Variants in SEMA6D observed in about 807,000 individuals in gnomAD.
The protein encoded by SEMA6D is semaphorin 6D, also known as semaphorin-6D.
SEMA6D carries 35 observed loss-of-function variants against 106.6 expected under a neutral mutation model. The observed-to-expected ratio is 0.33, with a 90% CI of 0.25 to 0.44. SEMA6D has a LOEUF of 0.44. Among genes scored for constraint, SEMA6D ranks in the 20% least tolerant of loss-of-function variants. The pLI is 1.00. For synonymous variants in SEMA6D, 499 were observed against 487.7 expected, an observed-to-expected ratio of 1.02 and a Z score of -0.31; for missense variants, 1,185 against 1,345.9, an observed-to-expected ratio of 0.88 and a Z score of 1.87.
intron 1 of SEMA6D, among the ~76,000 whole-genome samples, chr15:47,318,208 T>C (rs2036766569): frequency 6.6e-6 from 1 of 151,788 alleles, no homozygotes; most frequent in Non-Finnish European, 1.5e-5. Context: ...TTACCTTTTA[T>C]AGAAGTTGCG....
At chr15:47,258,042 A>G (rs2033897536) in intron 1 of SEMA6D, among the ~76,000 whole-genome samples, 1 of 152,200 alleles carries the variant, frequency 6.6e-6, no homozygotes, top group Admixed American at 6.5e-5. Context: ...TTTATTGGAT[A>G]TTAATACAGC....
chr15:47,333,825 T>A (rs911164489), intron 1 of SEMA6D, among the ~76,000 whole-genome samples: 1 of 152,206 alleles, frequency 6.6e-6, no homozygotes, highest in African/African-American at 2.4e-5. Flanking sequence ...AGTTCCTGGC[T>A]TACAACTCCC....
At chr15:47,489,472 T>C (rs2043399625) in intron 3 of SEMA6D, among the ~76,000 whole-genome samples, 1 of 152,168 alleles carries the variant, frequency 6.6e-6, no homozygotes, top group Admixed American at 6.5e-5. Flanking sequence ...GTGTCAAAAC[T>C]ATTCAAAATC....
At chr15:47,602,770 C>T (rs1264174704) in intron 4 of SEMA6D, among the ~76,000 whole-genome samples, 1 of 152,136 alleles carries the variant, frequency 6.6e-6, no homozygotes, top group Non-Finnish European at 1.5e-5. Context: ...AACACCATCT[C>T]CTGAGCTCCA....
At chr15:47,208,427 C>A (rs1405352390) in intron 1 of SEMA6D, among the ~76,000 whole-genome samples, 1 of 152,104 alleles carries the variant, frequency 6.6e-6, no homozygotes, top group African/African-American at 2.4e-5. Flanking sequence ...ATACAAGAGA[C>A]CTTCTAAATA....
intron 4 of SEMA6D, among the ~76,000 whole-genome samples, chr15:47,657,956 G>A (rs1371714771): frequency 1.3e-5 from 2 of 151,278 alleles, no homozygotes; most frequent in African/African-American, 4.9e-5. Context: ...TAGCCAGGAT[G>A]GTCTCGATCT....
At chr15:47,642,756 A>G (rs2077511720) in intron 4 of SEMA6D, among the ~76,000 whole-genome samples, 1 of 152,170 alleles carries the variant, frequency 6.6e-6, no homozygotes, top group Non-Finnish European at 1.5e-5. Context: ...AAAGAAGGCC[A>G]TCTCCGAAAG....
intron 1 of SEMA6D, among the ~76,000 whole-genome samples, chr15:47,197,572 T>C (rs772480761): frequency 6.6e-6 from 1 of 151,966 alleles, no homozygotes; most frequent in South Asian, 2.1e-4. Context: ...GGGGAATTAA[T>C]TGAAATAAAT....
At chr15:47,448,687 T>G (rs115408186) in intron 2 of SEMA6D, among the ~76,000 whole-genome samples, 1 of 152,062 alleles carries the variant, frequency 6.6e-6, no homozygotes, top group Admixed American at 6.6e-5. Flanking sequence ...TCAAATGGGG[T>G]TGAAGTAAGG....
chr15:47,197,633 T>A (rs1894448617), intron 1 of SEMA6D, among the ~76,000 whole-genome samples: 1 of 151,656 alleles, frequency 6.6e-6, no homozygotes, highest in African/African-American at 2.4e-5. Context: ...ACAAAATTAG[T>A]GGGAAAAAAA....
intron 4 of SEMA6D, among the ~76,000 whole-genome samples, chr15:47,674,587 T>C (rs930560209): frequency 1.3e-5 from 2 of 152,186 alleles, no homozygotes; most frequent in African/African-American, 4.8e-5. Context: ...GCCACTGTGC[T>C]TGGAAGGGTG....
At chr15:47,204,408 T>C (rs1330614981) in intron 1 of SEMA6D, among the ~76,000 whole-genome samples, 5 of 152,184 alleles carry the variant, frequency 3.3e-5, no homozygotes. Context: ...GGCCAGAGGT[T>C]ACTGTTTACA....
intron 1 of SEMA6D, among the ~76,000 whole-genome samples, chr15:47,303,599 T>G (rs1347484534): frequency 6.6e-6 from 1 of 152,202 alleles, no homozygotes; most frequent in Non-Finnish European, 1.5e-5. Context: ...AATATATGTT[T>G]TATATGGGCA....
intron 3 of SEMA6D, among the ~76,000 whole-genome samples, chr15:47,520,543 C>T (rs2044540235): frequency 6.6e-6 from 1 of 152,226 alleles, no homozygotes; most frequent in Non-Finnish European, 1.5e-5. Flanking sequence ...ATTTTAACCT[C>T]CAATGCCACC....
intron 4 of SEMA6D, among the ~76,000 whole-genome samples, chr15:47,611,274 A>G (rs1175037339): frequency 1.3e-5 from 2 of 152,194 alleles, no homozygotes; most frequent in South Asian, 2.1e-4. Context: ...ACATTTGTCT[A>G]CATTTCAGCT....
chr15:47,757,383 G>C (rs1179499127), intron 1 of SEMA6D, among the ~76,000 whole-genome samples: 1 of 152,204 alleles, frequency 6.6e-6, no homozygotes, highest in Non-Finnish European at 1.5e-5. Flanking sequence ...TGGTGTCAAA[G>C]CAGGATCTAG....
intron 3 of SEMA6D, among the ~76,000 whole-genome samples, chr15:47,552,873 TATATATAAATATATATAA>T (rs1390232186): frequency 0.012 from 192 of 15,362 alleles, 4 homozygotes; most frequent in South Asian, 0.025. Context: ...TATTTTTATA[TATATATAAATATATATAA>T]ATATATATAT....
chr15:47,645,231 GAA>G (rs1257270420), intron 4 of SEMA6D, among the ~76,000 whole-genome samples: 1 of 152,180 alleles, frequency 6.6e-6, no homozygotes, highest in Non-Finnish European at 1.5e-5. Context: ...CATCTTTAAG[GAA>G]ACAGTCAAGT....
intron 4 of SEMA6D, among the ~76,000 whole-genome samples, chr15:47,676,486 C>T (rs887780490): frequency 6.6e-6 from 1 of 152,198 alleles, no homozygotes; most frequent in Non-Finnish European, 1.5e-5. Context: ...CAATTAGTGC[C>T]ATGACTACCC....
Sources: allele counts gnomAD v4.1 joint callset (sites outside exome capture counted in the v4.1 genomes callset), GRCh38; gene constraint gnomAD v4.1.1; transcripts MANE v1.5; gene names NCBI Gene and HGNC (gene_info 2026-07-23, HGNC 2026-07-21).